CLASP1: variants seen among roughly 807,000 people sequenced by gnomAD.
CLASP1 encodes the protein CLIP-associating protein 1.
In CLASP1, 38 loss-of-function variants were observed where a neutral mutation model predicts 192.3. The ratio of observed to expected loss-of-function variants is 0.20; its 90% CI spans 0.15 to 0.26. The LOEUF is 0.26. Ranked by LOEUF, CLASP1 falls within the 10% of genes least tolerant of loss-of-function variation. The pLI is 1.00. For missense variants in CLASP1, 1,433 were observed against 1,932.5 expected, an observed-to-expected ratio of 0.74 and a Z score of 4.85; for synonymous variants, 691 against 712.8, an observed-to-expected ratio of 0.97 and a Z score of 0.49.
intron 35 of CLASP1, 99 bp downstream of exon 36, chr2:121,367,489 T>C: frequency 6.7e-7 from 1 of 1,488,318 alleles, no homozygotes; most frequent in Non-Finnish European, 9.2e-7. Context: ...ACCCAGCGTC[T>C]CCATTTACAT....
chr2:121,418,626 T>C (rs1206952364), exon 23 of CLASP1: 1 of 1,612,306 alleles, frequency 6.2e-7, no homozygotes, highest in African/African-American at 1.3e-5. Flanking sequence ...ACTCACCAAG[T>C]GGAGGAAAGC....
intron 34 of CLASP1, among the ~76,000 whole-genome samples, chr2:121,369,944 A>G (rs886591563): frequency 6.6e-6 from 1 of 152,194 alleles, no homozygotes; most frequent in Non-Finnish European, 1.5e-5. Context: ...AAAACATTGT[A>G]TCAGTTTCCC....
intron 37 of CLASP1, 126 bp downstream of exon 38, chr2:121,363,046 C>A: frequency 8.2e-7 from 1 of 1,216,000 alleles, no homozygotes; most frequent in South Asian, 1.5e-5. Flanking sequence ...CTCTGTATTA[C>A]GACATGGCTG....
At chr2:121,613,372 T>C (rs2065921349) in intron 1 of CLASP1, among the ~76,000 whole-genome samples, 1 of 152,056 alleles carries the variant, frequency 6.6e-6, no homozygotes, top group African/African-American at 2.4e-5. Context: ...CCCTGGAAAG[T>C]AGAAATTATC....
intron 8 of CLASP1, among the ~76,000 whole-genome samples, chr2:121,481,841 T>C (rs545329437): frequency 4.6e-5 from 7 of 152,324 alleles, no homozygotes; most frequent in African/African-American, 7.2e-5. Context: ...GTGTCTGAAG[T>C]ACTTTGTTGG....
chr2:121,520,939 C>A (rs1200014751), intron 6 of CLASP1, among the ~76,000 whole-genome samples: 1 of 152,120 alleles, frequency 6.6e-6, no homozygotes, highest in Non-Finnish European at 1.5e-5. Context: ...CTGGGTCACA[C>A]AGGGGCACGG....
intron 2 of CLASP1, among the ~76,000 whole-genome samples, chr2:121,573,147 A>G (rs1345436872): frequency 6.6e-6 from 1 of 152,118 alleles, no homozygotes; most frequent in Admixed American, 6.5e-5. Flanking sequence ...TTTAGTAGAG[A>G]TGGGGTTTTG....
At chr2:121,590,645 T>C (rs1338507812) in intron 2 of CLASP1, among the ~76,000 whole-genome samples, 1 of 152,170 alleles carries the variant, frequency 6.6e-6, no homozygotes, top group Non-Finnish European at 1.5e-5. Context: ...TGTTCCTGTT[T>C]ATACAATAAG....
At chr2:121,494,260 A>C (rs2150173336) in intron 8 of CLASP1, among the ~76,000 whole-genome samples, 1 of 152,368 alleles carries the variant, frequency 6.6e-6, no homozygotes, top group South Asian at 2.1e-4. Context: ...ATGCAGTACT[A>C]TTCAGCCATA....
rs1340169341 is a variant in CLASP1 at position 121,625,426 on chromosome 2, CATT to C, written c.-285-19249_-285-19247del. Among the ~76,000 whole-genome samples the C allele has an allele frequency of 9.2e-3, 1,180 of 128,044 alleles. 11 individuals carry two copies. The highest frequency in any genetic ancestry group is 0.054 in the East Asian group (233 of 4,332). 84.0% of individuals were successfully genotyped at this position (128,044 alleles called of 152,430 possible). ...CTAGCTTGAGAGATTTTCTTTCTTT[CATT>C]TTTTTTTTTTTTTTTTTTTTTTTGA... On this transcript the variant is annotated intron_variant, in intron 1 of 39. Transcript: ENST00000263710.
At chr2:121,346,285 C>A (rs12622810) in intron 39 of CLASP1, among the ~76,000 whole-genome samples, 1 of 152,116 alleles carries the variant, frequency 6.6e-6, no homozygotes, top group Non-Finnish European at 1.5e-5. Flanking sequence ...GGAACCAAGG[C>A]CTCACCCCTT....
intron 19 of CLASP1, among the ~76,000 whole-genome samples, chr2:121,440,067 A>G (rs189852091): frequency 0.012 from 1,825 of 147,026 alleles, 36 homozygotes; most frequent in African/African-American, 0.044. Flanking sequence ...CATGTACCCT[A>G]AAACTTAAAG....
intron 39 of CLASP1, among the ~76,000 whole-genome samples, chr2:121,344,624 A>G (rs1237166661): frequency 1.3e-5 from 2 of 151,920 alleles, no homozygotes; most frequent in African/African-American, 4.8e-5. Flanking sequence ...AGCCGTGCCC[A>G]GCCTTCATTT....
intron 8 of CLASP1, among the ~76,000 whole-genome samples, chr2:121,472,921 C>T (rs1045952790): frequency 2.0e-4 from 30 of 152,142 alleles, no homozygotes; most frequent in African/African-American, 7.0e-4. Flanking sequence ...TAAAAGCAGG[C>T]CTACAGGGCA....
chr2:121,594,167 G>T (rs192712634), intron 2 of CLASP1, among the ~76,000 whole-genome samples: 25,927 of 149,420 alleles, frequency 0.17, 3,849 homozygotes, highest in African/African-American at 0.41. Context: ...GGGCGTGGTG[G>T]CGGGCGCCTG....
chr2:121,431,481 A>G lies in CLASP1; in HGVS notation c.1913-1304T>C, dbSNP rs149408046. Among the ~76,000 whole-genome samples the G allele has an allele frequency of 3.7e-3, 568 of 152,322 alleles. 5 individuals carry two copies. Among genetic ancestry groups the G allele is most frequent in the African/African-American group, 0.013 (537 of 41,572 alleles). ...CTGTGCCTGGCTGACTGGGAAGCCT[A>G]TGAGTGATGACCTCTGATTTTCCTA... is the stretch of plus-strand genomic sequence containing the variant. On this transcript the variant is annotated intron_variant, in intron 19 of 39. Coordinates refer to ENST00000263710, the Ensembl canonical transcript of CLASP1.
intron 2 of CLASP1, among the ~76,000 whole-genome samples, chr2:121,535,589 T>C (rs534901341): frequency 2.7e-5 from 4 of 150,092 alleles, no homozygotes; most frequent in African/African-American, 7.3e-5. Flanking sequence ...CAAGTTTAAA[T>C]GGAATTTAAA....
In CLASP1 at chr2:121,639,264, G is replaced by A. The variant is rs531058432; in HGVS notation, c.-286+10108C>T. 1.8e-4 allele frequency among the ~76,000 whole-genome samples: 28 copies of A among 151,972 alleles called. No homozygotes were observed. In the South Asian group the frequency reaches 3.7e-3, roughly 20 times the overall value. The stretch of plus-strand genomic sequence containing the variant: ...TGCACTCCAGCCTGGGCGACAGAGC[G>A]AGACTCTGTCTCAAAAAAAAACAAA... On this transcript the variant is annotated intron_variant, in intron 1 of 39. Transcript: ENST00000263710.
chr2:121,526,153 A>G (rs942214031), intron 5 of CLASP1, among the ~76,000 whole-genome samples: 3 of 152,194 alleles, frequency 2.0e-5, no homozygotes, highest in African/African-American at 7.2e-5. Flanking sequence ...CCTGTCCCCC[A>G]GGGCTCTGGC....
Sources: allele counts gnomAD v4.1 joint callset (sites outside exome capture counted in the v4.1 genomes callset), GRCh38; gene constraint gnomAD v4.1.1; transcripts MANE v1.5; gene names NCBI Gene and HGNC (gene_info 2026-07-23, HGNC 2026-07-21).